DCDC1: variants seen among roughly 807,000 people sequenced by gnomAD.
DCDC1 encodes the protein doublecortin domain-containing protein 1.
DCDC1 carries 200 observed loss-of-function variants against 178.3 expected under a neutral mutation model. The observed-to-expected ratio is 1.12, with a 90% confidence interval of 1.00 to 1.26. The LOEUF is 1.26. DCDC1 is among the 50% of genes most tolerant of loss of function. DCDC1 has a pLI of 0.00. For missense variants in DCDC1, 1,983 were observed against 1,749.2 expected (o/e 1.13, Z -2.38); for synonymous variants, 690 against 604.8 (o/e 1.14, Z -2.07).
At position 31,186,489 on chromosome 11, in the gene DCDC1, C is replaced by A. The variant is rs141398723; in HGVS notation, c.1222-48705G>T. ...CCTACCTACCTCTGTGCCTTGCCACCTTGGGTCCTCAGCCATAGCCTTGCT... is the reference window on the plus strand; with the variant it reads ...CCTACCTACCTCTGTGCCTTGCCACATTGGGTCCTCAGCCATAGCCTTGCT... On this transcript the variant is annotated intron_variant, in intron 9 of 38. Coordinates refer to ENST00000684477, the MANE Select transcript of DCDC1 (RefSeq NM_001387274.1). Among the ~76,000 whole-genome samples, 551 of 152,296 alleles carry A rather than the reference C, an allele frequency of 3.6e-3. 3 individuals carry two copies. Among genetic ancestry groups the A allele is most frequent in the African/African-American group, 0.013 (529 of 41,552 alleles).
chr11:31,156,600 C>T (rs1965740198), intron 9 of DCDC1, among the ~76,000 whole-genome samples: 1 of 152,052 alleles, frequency 6.6e-6, no homozygotes, highest in Non-Finnish European at 1.5e-5. Flanking sequence ...ATCTTGCCAT[C>T]TTTTTTCATA....
At chr11:31,005,214 A>G (rs1363615928) in intron 20 of DCDC1, among the ~76,000 whole-genome samples, 1 of 152,158 alleles carries the variant, frequency 6.6e-6, no homozygotes, top group Non-Finnish European at 1.5e-5. Flanking sequence ...ATCACCAGTA[A>G]GTGCTCCACA....
chr11:30,894,179 C>T (rs1944012352), intron 35 of DCDC1, 69 bp downstream of exon 35: 1 of 1,540,120 alleles, frequency 6.5e-7, no homozygotes, highest in Non-Finnish European at 8.7e-7. Flanking sequence ...TTTTAAAATT[C>T]AATATTGTAC....
At chr11:30,928,979 G>A (rs1946761934) in intron 22 of DCDC1, among the ~76,000 whole-genome samples, 1 of 151,870 alleles carries the variant, frequency 6.6e-6, no homozygotes, top group Admixed American at 6.6e-5. Context: ...TGCTTAATTT[G>A]AATATACATC....
intron 23 of DCDC1, among the ~76,000 whole-genome samples, chr11:30,924,291 G>C (rs1335144793): frequency 6.6e-6 from 1 of 152,104 alleles, no homozygotes; most frequent in African/African-American, 2.4e-5. Context: ...AGCAGTCTCT[G>C]AGAACAACAG....
chr11:31,273,232 C>T (rs1354400596), intron 7 of DCDC1, among the ~76,000 whole-genome samples: 1 of 152,186 alleles, frequency 6.6e-6, no homozygotes, highest in Non-Finnish European at 1.5e-5. Context: ...AATTTCTCCT[C>T]AGAAAATGGG....
chr11:30,999,692 G>A (rs1439313793), intron 20 of DCDC1, among the ~76,000 whole-genome samples: 4 of 151,966 alleles, frequency 2.6e-5, no homozygotes, highest in Admixed American at 1.3e-4. Flanking sequence ...TGGACAATGC[G>A]ACTCTTACAC....
chr11:31,211,222 TA>T (rs1972496173), intron 9 of DCDC1, among the ~76,000 whole-genome samples: 1 of 152,162 alleles, frequency 6.6e-6, no homozygotes, highest in Non-Finnish European at 1.5e-5. Context: ...TTATTCAAAC[TA>T]TCCTAACCAT....
intron 9 of DCDC1, among the ~76,000 whole-genome samples, chr11:31,147,298 G>A (rs1964552820): frequency 6.6e-6 from 1 of 152,164 alleles, no homozygotes; most frequent in South Asian, 2.1e-4. Context: ...TTTGTGGGCT[G>A]AGCCTTCTAA....
At chr11:31,182,574 G>A (rs576441490) in intron 9 of DCDC1, among the ~76,000 whole-genome samples, 1 of 152,112 alleles carries the variant, frequency 6.6e-6, no homozygotes, top group Admixed American at 6.5e-5. Flanking sequence ...AGCTCCTGAA[G>A]GAAGCACTAA....
chr11:31,036,973 G>A (rs1186433560), intron 20 of DCDC1, among the ~76,000 whole-genome samples: 1 of 152,172 alleles, frequency 6.6e-6, no homozygotes, highest in African/African-American at 2.4e-5. Context: ...GAGAGATAGA[G>A]AGGTAAGTAA....
chr11:31,025,110 A>T (rs560010005), intron 20 of DCDC1, among the ~76,000 whole-genome samples: 1 of 152,034 alleles, frequency 6.6e-6, no homozygotes, highest in African/African-American at 2.4e-5. Flanking sequence ...GAGAATTAAC[A>T]TGATTGGTAT....
At chr11:30,971,603 G>GTT (rs71060475) in intron 20 of DCDC1, among the ~76,000 whole-genome samples, 3,037 of 83,580 alleles carry the variant, frequency 0.036, 160 homozygotes, top group African/African-American at 0.083. Context: ...ACAGGCCTTT[G>GTT]TTTTTTTTTT....
chr11:31,263,062 G>A, intron 8 of DCDC1: 3 of 1,613,062 alleles, frequency 1.9e-6, no homozygotes, highest in South Asian at 1.1e-5. Context: ...ACGTCTCAGA[G>A]TCAGTGCTTT....
intron 21 of DCDC1, among the ~76,000 whole-genome samples, chr11:30,940,665 T>C (rs1350679864): frequency 1.3e-5 from 2 of 152,166 alleles, no homozygotes; most frequent in African/African-American, 4.8e-5. Flanking sequence ...TTGACAATTA[T>C]ATCGATTTTA....
intron 20 of DCDC1, among the ~76,000 whole-genome samples, chr11:30,969,694 A>G (rs1949671947): frequency 6.6e-6 from 1 of 152,196 alleles, no homozygotes; most frequent in East Asian, 1.9e-4. Context: ...TCATATTTGC[A>G]TATTCCTCTT....
chr11:31,030,360 A>G (rs1953540322), intron 20 of DCDC1, among the ~76,000 whole-genome samples: 1 of 152,038 alleles, frequency 6.6e-6, no homozygotes, highest in African/African-American at 2.4e-5. Flanking sequence ...TGCATTAGAA[A>G]TACTGCTGTG....
At chr11:31,155,410 T>C (rs954255854) in intron 9 of DCDC1, among the ~76,000 whole-genome samples, 4 of 152,228 alleles carry the variant, frequency 2.6e-5, no homozygotes, top group African/African-American at 9.6e-5. Flanking sequence ...CAAGTATGTT[T>C]GAGCTATTTG....
At chr11:30,915,333 T>C (rs185194954) in intron 27 of DCDC1, among the ~76,000 whole-genome samples, 178 bp downstream of exon 27, 330 of 152,302 alleles carry the variant, frequency 2.2e-3, no homozygotes, top group Non-Finnish European at 3.9e-3. Flanking sequence ...TTACCTAGCA[T>C]TTACATTTGA....
Sources: gnomAD v4.1 joint callset for allele counts (sites outside exome capture counted in the v4.1 genomes callset) on GRCh38, gnomAD v4.1.1 for gene constraint, MANE v1.5 for transcripts, NCBI Gene and HGNC (gene_info 2026-07-23, HGNC 2026-07-21) for gene names.